The following DOP1B variants were observed in gnomAD, a reference collection of about 807,000 sequenced individuals.
The protein encoded by DOP1B is protein DOP1B.
In DOP1B, 174 loss-of-function variants were observed where a neutral mutation model predicts 233.5. That is an observed-to-expected ratio of 0.75 (90% confidence interval 0.66 to 0.85). The LOEUF is 0.85. Among genes scored for constraint, DOP1B ranks in the 40% least tolerant of loss-of-function variants. The pLI, the probability that DOP1B is intolerant of heterozygous loss-of-function variation, is 0.00. For missense variants in DOP1B, 2,652 were observed against 2,846.6 expected (o/e 0.93, Z 1.56); for synonymous variants, 1,190 against 1,185.6 (o/e 1.00, Z -0.08).
chr21:36,215,408 C>T (rs186853748), intron 9 of DOP1B, among the ~76,000 whole-genome samples: 112 of 152,068 alleles, frequency 7.4e-4, no homozygotes, highest in African/African-American at 2.4e-3. Context: ...AATGAATGAA[C>T]GAATGAATGA....
chr21:36,257,643 A>G (rs975003811), intron 23 of DOP1B, among the ~76,000 whole-genome samples: 18 of 146,000 alleles, frequency 1.2e-4, no homozygotes, highest in South Asian at 2.2e-4. Context: ...GATAGATAGA[A>G]GTAGTTAGGT....
intron 32 of DOP1B, among the ~76,000 whole-genome samples, chr21:36,283,216 G>T (rs1377280616): frequency 6.6e-6 from 1 of 151,878 alleles, no homozygotes; most frequent in Non-Finnish European, 1.5e-5. Flanking sequence ...AAGTAGCTGG[G>T]ATTACAGGCA....
chr21:36,202,851 G>A (rs2066385278), intron 4 of DOP1B, among the ~76,000 whole-genome samples: 1 of 152,172 alleles, frequency 6.6e-6, no homozygotes, highest in Non-Finnish European at 1.5e-5. Context: ...GGTCACATAG[G>A]AGGCAGCTGG....
chr21:36,246,367 G>A lies in DOP1B; in HGVS notation c.4387G>A (p.Glu1463Lys). Residue 1463 changes from glutamate to lysine, a missense_variant, in exon 19 of 37, where the codon GAA becomes AAA. Coordinates refer to ENST00000691173, the MANE Select transcript of DOP1B (RefSeq NM_001320714.2). This position sits in a 1 kb window ranked among gnomAD's most constrained non-coding sequence, Gnocchi z 5.1. ...HHLGRAHEEA[E>K]NQPDLSREWQ... Reference sequence around the variant, plus strand: ...CCTGGGTCGGGCCCATGAGGAGGCGGAAAACCAGCCCGACCTGTCCCGGGA... The same window carrying A: ...CCTGGGTCGGGCCCATGAGGAGGCGAAAAACCAGCCCGACCTGTCCCGGGA... 1 of 1,613,546 alleles carries A rather than the reference G, an allele frequency of 6.2e-7. No homozygotes were observed.
intron 3 of DOP1B, among the ~76,000 whole-genome samples, chr21:36,200,114 T>C (rs7282886): frequency 0.34 from 51,663 of 152,116 alleles, 9,055 homozygotes; most frequent in African/African-American, 0.44. Context: ...GACTTTGCTA[T>C]AAGGGAACTT....
At chr21:36,258,074 TGTAGGTAGATAGATAGATAGATGTAG>T (rs1313447133) in intron 23 of DOP1B, among the ~76,000 whole-genome samples, 2 of 151,844 alleles carry the variant, frequency 1.3e-5, no homozygotes, top group Non-Finnish European at 2.9e-5. Flanking sequence ...GGTAGGTAGA[TGTAGGTAGATAGATAGATAGATGTAG>T]GTAGGTAGAT....
intron 30 of DOP1B, among the ~76,000 whole-genome samples, chr21:36,279,667 A>G (rs1056615540): frequency 6.6e-6 from 1 of 152,138 alleles, no homozygotes; most frequent in African/African-American, 2.4e-5. Context: ...CATCAACACA[A>G]CTGTGTGAAT....
intron 24 of DOP1B, chr21:36,261,000 G>A: frequency 8.4e-7 from 1 of 1,195,494 alleles, no homozygotes; most frequent in Non-Finnish European, 1.0e-6. Flanking sequence ...AAAAGGCTTG[G>A]ATTTGCATTA....
At chr21:36,222,385 C>G (rs545991216) in intron 10 of DOP1B, among the ~76,000 whole-genome samples, 2 of 151,696 alleles carry the variant, frequency 1.3e-5, no homozygotes, top group Non-Finnish European at 2.9e-5. Context: ...TTGAGACCAG[C>G]CTGGCCAACA....
At chr21:36,186,695 G>A (rs535899673) in intron 2 of DOP1B, among the ~76,000 whole-genome samples, 5 of 152,218 alleles carry the variant, frequency 3.3e-5, no homozygotes, top group African/African-American at 4.8e-5. Context: ...TTTGCAGGGC[G>A]CTGGCGGACC....
At chr21:36,197,040 C>G (rs138257584) in intron 2 of DOP1B, among the ~76,000 whole-genome samples, 410 of 151,414 alleles carry the variant, frequency 2.7e-3, no homozygotes, top group Middle Eastern at 0.024. Context: ...TCAAGTGATT[C>G]TCCTGCCTTA....
chr21:36,257,869 G>A (rs972471814), intron 23 of DOP1B, among the ~76,000 whole-genome samples: 1 of 150,814 alleles, frequency 6.6e-6, no homozygotes, highest in African/African-American at 2.4e-5. Flanking sequence ...AGAGATAGAT[G>A]TAGGTAGATG....
intron 9 of DOP1B, among the ~76,000 whole-genome samples, chr21:36,217,599 A>C (rs144864757): frequency 2.0e-4 from 30 of 152,324 alleles, no homozygotes; most frequent in African/African-American, 6.7e-4. Flanking sequence ...AGAGTTGTGC[A>C]GCTCTCGTCA....
chr21:36,214,461 A>G lies in DOP1B; in HGVS notation c.1034A>G (p.His345Arg), dbSNP rs1291090894. 1 of 1,613,346 alleles carries G rather than the reference A, an allele frequency of 6.2e-7. No individual in the cohort carries two copies. The highest frequency in any genetic ancestry group is 2.2e-5 in the East Asian group (1 of 44,882). ...LLVEGLAEIL[H>R]QKFIDADVEE... ...TAATAGGGTTTGGCTGAGATATTGC[A>G]TCAGAAGTTCATAGATGCTGACGTG... The change falls in exon 9 of 37, where the codon CAT becomes CGT. Residue 345 changes from histidine (H) to arginine (R), a missense_variant. Around this residue, in one of 3 missense-constraint regions of DOP1B, gnomAD observed 2,617 missense variants for 2,794.3 expected, o/e 0.94. Coordinates refer to ENST00000691173, the MANE Select transcript of DOP1B (RefSeq NM_001320714.2).
chr21:36,291,532 A>T (rs983293383), intron 35 of DOP1B, among the ~76,000 whole-genome samples: 2 of 152,114 alleles, frequency 1.3e-5, no homozygotes, highest in African/African-American at 4.8e-5. Context: ...TGCCCTCCAG[A>T]CTGGGCGACA....
At chr21:36,201,342 A>ATTTT (rs1187890925) in intron 4 of DOP1B, among the ~76,000 whole-genome samples, 1 of 46,980 alleles carries the variant, frequency 2.1e-5, no homozygotes, top group Non-Finnish European at 3.9e-5. Flanking sequence ...TATCTATTGG[A>ATTTT]TTCTTTTTTT....
In DOP1B at chr21:36,227,696, C is replaced by T. The variant is rs777116301; in HGVS notation, c.1484C>T (p.Ser495Phe). ...LLDVIPLELY[S>F]EVQTQYLPQV... Reference sequence around the variant, plus strand: ...ACGTTTATTTCACAGGAACTTTACTCTGAGGTGCAAACCCAGTATCTCCCT... The same window carrying T: ...ACGTTTATTTCACAGGAACTTTACTTTGAGGTGCAAACCCAGTATCTCCCT... The change falls in exon 13 of 37, where the codon TCT (serine) becomes TTT (phenylalanine). Residue 495 changes from serine to phenylalanine, a missense_variant. This residue lies in a region of DOP1B where 2,617 missense variants were observed against 2,794.3 expected (regional missense o/e 0.94). Coordinates refer to ENST00000691173, the MANE Select transcript of DOP1B (RefSeq NM_001320714.2). The T allele has an allele frequency of 2.6e-6, 4 of 1,550,586 alleles. No homozygotes were observed. The East Asian group carries it at 9.1e-5, about 35-fold the overall frequency.
intron 2 of DOP1B, among the ~76,000 whole-genome samples, chr21:36,176,412 G>GCAT (rs2066031383): frequency 6.6e-6 from 1 of 152,128 alleles, no homozygotes; most frequent in African/African-American, 2.4e-5. Context: ...TGTATGAGCT[G>GCAT]CATCTTTCAG....
intron 32 of DOP1B, among the ~76,000 whole-genome samples, chr21:36,287,674 C>T (rs1194612652): frequency 7.1e-6 from 1 of 140,438 alleles, no homozygotes; most frequent in African/African-American, 2.7e-5. Context: ...GCAACCTCTA[C>T]CTCCCAGGTT....
Sources: gnomAD v4.1 joint callset for allele counts (sites outside exome capture counted in the v4.1 genomes callset) on GRCh38, gnomAD v4.1.1 for gene constraint, gnomAD v4.1.1 regional missense constraint, Gnocchi (gnomAD v3.1) non-coding constraint, MANE v1.5 for transcripts, NCBI Gene and HGNC (gene_info 2026-07-23, HGNC 2026-07-21) for gene names.